SDK1: variants seen among roughly 807,000 people sequenced by gnomAD.
SDK1 encodes the protein sidekick cell adhesion molecule 1.
Under a neutral mutation model 245.5 loss-of-function variants are expected in SDK1, and 157 were observed. The observed-to-expected ratio is 0.64, with a 90% CI of 0.56 to 0.73. SDK1 has a LOEUF of 0.73. SDK1 is among the 30% of genes least tolerant of loss of function. The probability of loss-of-function intolerance (pLI) is 0.00; values close to 1 mark genes in which losing one functional copy is unlikely to be tolerated. For missense variants in SDK1, 3,583 were observed against 3,002.3 expected (o/e 1.19, Z -4.52); for synonymous variants, 1,647 against 1,278.5 (o/e 1.29, Z -6.15).
chr7:3,916,702 T>A (rs1487389119), intron 5 of SDK1, among the ~76,000 whole-genome samples: 3 of 152,264 alleles, frequency 2.0e-5, no homozygotes, highest in Non-Finnish European at 4.4e-5. Context: ...TAGCAGTTTC[T>A]TTTTTGAATA....
rs544774598 is a variant in SDK1 at position 3,492,084 on chromosome 7, T to C, written c.299-126996T>C. Reference sequence around the variant, plus strand: ...ATTTCGTTTTCAAAGCCAGATGTTATTTGGCAGGATAAAACTTAAATTTCC... The same window carrying C: ...ATTTCGTTTTCAAAGCCAGATGTTACTTGGCAGGATAAAACTTAAATTTCC... On this transcript the variant is annotated intron_variant, in intron 1 of 44. Transcript: ENST00000404826. Among the ~76,000 whole-genome samples, 6 of 152,330 alleles carry C rather than the reference T, an allele frequency of 3.9e-5. No homozygotes were observed. In the East Asian group the frequency reaches 9.6e-4, roughly 24 times the overall value.
At chr7:3,800,113 G>C (rs542020830) in intron 4 of SDK1, among the ~76,000 whole-genome samples, 1 of 152,092 alleles carries the variant, frequency 6.6e-6, no homozygotes, top group Admixed American at 6.5e-5. Flanking sequence ...CAACGTTTCT[G>C]TTGGGCAGGA....
chr7:3,840,394 C>G (rs947214302), intron 5 of SDK1, among the ~76,000 whole-genome samples: 2 of 152,166 alleles, frequency 1.3e-5, no homozygotes, highest in Admixed American at 1.3e-4. Flanking sequence ...CCATGAAAAT[C>G]ACCTGGGCTG....
intron 22 of SDK1, among the ~76,000 whole-genome samples, chr7:4,090,378 A>G (rs1431922819): frequency 6.6e-6 from 1 of 152,190 alleles, no homozygotes; most frequent in Non-Finnish European, 1.5e-5. Context: ...TTCTACATTT[A>G]TCCATTGGCC....
At chr7:3,868,875 G>A (rs1384200464) in intron 5 of SDK1, among the ~76,000 whole-genome samples, 8 of 152,074 alleles carry the variant, frequency 5.3e-5, no homozygotes, top group Non-Finnish European at 1.2e-4. Flanking sequence ...GCTTGCTTTT[G>A]TTACCTAATA....
chr7:4,216,576 C>T (rs1036212480), intron 38 of SDK1, among the ~76,000 whole-genome samples: 2 of 152,236 alleles, frequency 1.3e-5, no homozygotes, highest in African/African-American at 4.8e-5. Flanking sequence ...CCCAGGGAAA[C>T]AGTTGCAAAC....
intron 1 of SDK1, among the ~76,000 whole-genome samples, chr7:3,387,865 A>G (rs1057019013): frequency 6.6e-6 from 1 of 152,214 alleles, no homozygotes; most frequent in African/African-American, 2.4e-5. Context: ...TAATCCTCAC[A>G]ACAACCCTGT....
chr7:3,880,364 C>G (rs184624090), intron 5 of SDK1, among the ~76,000 whole-genome samples: 1 of 152,234 alleles, frequency 6.6e-6, no homozygotes, highest in East Asian at 1.9e-4. Context: ...AGGGCCCAAG[C>G]CCTGATTAGC....
intron 13 of SDK1, among the ~76,000 whole-genome samples, chr7:3,975,952 G>A (rs948449350): frequency 3.6e-5 from 5 of 138,866 alleles, no homozygotes; most frequent in East Asian, 2.2e-4. Context: ...GGCTGAGGCT[G>A]CCACGCAGAG....
At chr7:4,158,824 G>A (rs1173180329) in intron 31 of SDK1, among the ~76,000 whole-genome samples, 1 of 152,208 alleles carries the variant, frequency 6.6e-6, no homozygotes, top group Non-Finnish European at 1.5e-5. Context: ...ATAATTGATA[G>A]GGTCATTAAA....
rs963060398 is a variant in SDK1 at position 3,957,465 on chromosome 7, C to T, written c.1151-1466C>T. Among the ~76,000 whole-genome samples the T allele has an allele frequency of 4.7e-4, 72 of 152,098 alleles. 1 individual carries two copies. The highest frequency in any genetic ancestry group is 1.6e-3 in the African/African-American group (67 of 41,398). On this transcript the variant is annotated intron_variant, in intron 7 of 44. Coordinates refer to ENST00000404826, the MANE Select transcript of SDK1 (RefSeq NM_152744.4). Reference sequence around the variant, plus strand: ...GTTACTTCTCACAACTGCACGGACTCGACAGTTTTCTAAAAAGAAAACGCT... The same window carrying T: ...GTTACTTCTCACAACTGCACGGACTTGACAGTTTTCTAAAAAGAAAACGCT...
At chr7:4,100,866 G>C (rs1367676506) in intron 22 of SDK1, among the ~76,000 whole-genome samples, 1 of 152,162 alleles carries the variant, frequency 6.6e-6, no homozygotes, top group Non-Finnish European at 1.5e-5. Flanking sequence ...GGATGAGCTG[G>C]GGGCCTGTGG....
At chr7:3,741,642 C>G (rs1289983893) in intron 4 of SDK1, among the ~76,000 whole-genome samples, 1 of 152,158 alleles carries the variant, frequency 6.6e-6, no homozygotes, top group African/African-American at 2.4e-5. Context: ...AGCCTTTAAG[C>G]TAGGAGTGTA....
At chr7:3,315,055 C>T (rs1019111997) in intron 1 of SDK1, among the ~76,000 whole-genome samples, 21 of 152,160 alleles carry the variant, frequency 1.4e-4, no homozygotes, top group Non-Finnish European at 2.2e-4. Flanking sequence ...TGTTCGTCAA[C>T]AGCAGGTGAC....
At chr7:3,987,347 C>T in intron 14 of SDK1, 25 bp downstream of exon 14, 1 of 1,610,818 alleles carries the variant, frequency 6.2e-7, no homozygotes, top group Non-Finnish European at 8.5e-7. Context: ...GAAACTGTCA[C>T]CATGGACGAT....
At chr7:3,501,137 A>C (rs939173908) in intron 1 of SDK1, among the ~76,000 whole-genome samples, 1 of 152,194 alleles carries the variant, frequency 6.6e-6, no homozygotes, top group Admixed American at 6.5e-5. Flanking sequence ...TTGAGCATGC[A>C]GATTAAAGAT....
chr7:4,007,815 AG>A (rs1785606617), intron 14 of SDK1, among the ~76,000 whole-genome samples: 1 of 152,072 alleles, frequency 6.6e-6, no homozygotes, highest in Non-Finnish European at 1.5e-5. Context: ...CGTCTTGGCC[AG>A]GCTGGTCTTG....
intron 1 of SDK1, among the ~76,000 whole-genome samples, chr7:3,505,713 C>G (rs767392869): frequency 1.3e-5 from 2 of 152,164 alleles, no homozygotes; most frequent in Non-Finnish European, 2.9e-5. Flanking sequence ...TCTGCATCCA[C>G]AACCAAAAGT....
At chr7:3,716,771 GAA>G (rs534296974) in intron 4 of SDK1, among the ~76,000 whole-genome samples, 1 of 110,804 alleles carries the variant, frequency 9.0e-6, no homozygotes, top group Admixed American at 9.1e-5. Flanking sequence ...CAAAAAAAAA[GAA>G]AAAAAAAAAA....
Sources: gnomAD v4.1 joint callset for allele counts (sites outside exome capture counted in the v4.1 genomes callset) on GRCh38, gnomAD v4.1.1 for gene constraint, MANE v1.5 for transcripts, NCBI Gene and HGNC (gene_info 2026-07-23, HGNC 2026-07-21) for gene names.